The following LPIN2 variants were observed in gnomAD, a reference collection of about 807,000 sequenced individuals.
LPIN2 encodes phosphatidate phosphatase LPIN2.
In LPIN2, 55 loss-of-function variants were observed where a neutral mutation model predicts 111.4. The ratio of observed to expected loss-of-function variants is 0.49; its 90% CI spans 0.40 to 0.62. The LOEUF is 0.62. Ranked by LOEUF, LPIN2 falls within the 20% of genes least tolerant of loss-of-function variation. The pLI is 0.00. For missense variants in LPIN2, 992 were observed against 1,112.1 expected (o/e 0.89, Z 1.54); for synonymous variants, 425 against 414.0 (o/e 1.03, Z -0.32).
At chr18:2,974,734 G>C (rs959718091) in intron 1 of LPIN2, among the ~76,000 whole-genome samples, 8 of 152,186 alleles carry the variant, frequency 5.3e-5, no homozygotes, top group Non-Finnish European at 1.0e-4. Flanking sequence ...GCTCACACTT[G>C]TAATCCCAGC....
At position 2,917,506 on chromosome 18, in the gene LPIN2, G is replaced by C. The variant is rs886053742; in HGVS notation, c.*2787C>G. On this transcript the variant is annotated 3_prime_UTR_variant, in exon 20 of 20. Transcript: ENST00000677752. ...CCCACAGTTGCAGGGGCTGTTCCGG[G>C]CCAGCGCTTCCCAGTCATCCAATCT... The C allele has an allele frequency of 6.6e-6, 1 of 152,234 alleles. No individual in the cohort carries two copies. The allele number at this position is 152,234 out of a possible 1,614,324, so 9.4% of individuals were successfully genotyped here.
rs1385278173 is a variant in LPIN2 at position 2,960,884 on chromosome 18, C to T, written c.-9-35G>A. On this transcript the variant is annotated intron_variant, in intron 1 of 19. Coordinates refer to ENST00000677752, the MANE Select transcript of LPIN2 (RefSeq NM_001375808.2). ...ACAAAAATTAGATGAGATGTTAACACTAAATTTGTGATCTATTGACAAAGA... is the reference window on the plus strand; with the variant it reads ...ACAAAAATTAGATGAGATGTTAACATTAAATTTGTGATCTATTGACAAAGA... 7.1e-6 allele frequency: 11 copies of T among 1,541,178 alleles called. No individual in the cohort carries two copies. The South Asian group carries it at 1.0e-4, about 14-fold the overall frequency.
chr18:2,952,935 A>T (rs1338396615), intron 3 of LPIN2, among the ~76,000 whole-genome samples: 1 of 152,230 alleles, frequency 6.6e-6, no homozygotes, highest in Non-Finnish European at 1.5e-5. Context: ...ATTAAATGAG[A>T]AAAATCTGAG....
At chr18:2,943,278 T>C (rs899775994) in intron 4 of LPIN2, among the ~76,000 whole-genome samples, 1 of 152,120 alleles carries the variant, frequency 6.6e-6, no homozygotes, top group African/African-American at 2.4e-5. Context: ...GTAAAACATA[T>C]GCTACCTAAC....
intron 2 of LPIN2, among the ~76,000 whole-genome samples, chr18:2,957,970 C>T (rs1207452534): frequency 6.6e-6 from 1 of 150,696 alleles, no homozygotes; most frequent in African/African-American, 2.4e-5. Context: ...GGAGAAACCC[C>T]ATCTCTACTA....
intron 4 of LPIN2, among the ~76,000 whole-genome samples, chr18:2,947,350 ATC>A (rs1249620835): frequency 6.6e-6 from 1 of 152,134 alleles, no homozygotes; most frequent in Non-Finnish European, 1.5e-5. Flanking sequence ...AATGTTTTTA[ATC>A]TCTCTCTCAC....
chr18:2,938,150 T>C, intron 6 of LPIN2, 113 bp from the exon 7 acceptor site: 1 of 774,376 alleles, frequency 1.3e-6, no homozygotes, highest in Non-Finnish European at 2.2e-6. Flanking sequence ...ATTCATTAAG[T>C]ATCTTAGTTT....
chr18:2,924,690 C>T (rs2077104687), intron 14 of LPIN2, 144 bp from the exon 15 acceptor site: 9 of 825,328 alleles, frequency 1.1e-5, no homozygotes, highest in Non-Finnish European at 1.8e-5. Flanking sequence ...CACCCTGTGC[C>T]CAGCGCAGCT....
In LPIN2 at chr18:2,917,669, G is replaced by A. The variant is rs542464463; in HGVS notation, c.*2624C>T. 8 of 152,248 alleles carry A rather than the reference G, an allele frequency of 5.3e-5. No homozygotes were observed. Among genetic ancestry groups the A allele is most frequent in the East Asian group, 1.9e-4 (1 of 5,192 alleles). 9.4% of individuals were successfully genotyped at this position (152,248 alleles called of 1,614,324 possible). A position where few individuals can be genotyped will look rare whatever the true frequency, so the allele number is the denominator to read the frequency against. ...AAAACACAACACAGTACCCAAAAAC[G>A]GAGGCAGCCTGCATGCTCCAGGTCT... On this transcript the variant is annotated 3_prime_UTR_variant, in exon 20 of 20. Coordinates refer to ENST00000677752, the MANE Select transcript of LPIN2 (RefSeq NM_001375808.2).
intron 16 of LPIN2, among the ~76,000 whole-genome samples, 196 bp from the exon 17 acceptor site, chr18:2,922,395 C>T (rs1179584947): frequency 6.6e-6 from 1 of 152,012 alleles, no homozygotes; most frequent in Admixed American, 6.5e-5. Context: ...CTGCCTCAGC[C>T]TCCCAAGTAG....
At position 2,925,925 on chromosome 18, in the gene LPIN2, G is replaced by A. The variant is rs2077124159; in HGVS notation, c.1794-557C>T. ...GGAGGCTGAGGCAGGAGGACTGCTT[G>A]AGCCCAGGAGTTTGAGACCAGCCTG... On this transcript the variant is annotated intron_variant, in intron 13 of 19. Transcript: ENST00000677752. This position sits in a 1 kb window ranked among gnomAD's most constrained non-coding sequence, Gnocchi z 4.1. Among the ~76,000 whole-genome samples, 1 of 152,112 alleles carries A rather than the reference G, an allele frequency of 6.6e-6. No homozygotes were observed. Among genetic ancestry groups the A allele is most frequent in the Non-Finnish European group, 1.5e-5 (1 of 68,012 alleles).
intron 16 of LPIN2, among the ~76,000 whole-genome samples, chr18:2,923,084 G>GAACTATTTCCCTCATGCATGCGTGCAC (rs2077078924): frequency 1.3e-5 from 2 of 152,120 alleles, no homozygotes; most frequent in African/African-American, 4.8e-5. Flanking sequence ...GCCCATGCAA[G>GAACTATTTCCCTCATGCATGCGTGCAC]AACTATTTCC....
At chr18:2,983,593 T>C (rs1340763678) in intron 1 of LPIN2, among the ~76,000 whole-genome samples, 1 of 152,192 alleles carries the variant, frequency 6.6e-6, no homozygotes, top group Non-Finnish European at 1.5e-5. Context: ...CAAACAGCCA[T>C]TAGCCACGTG....
chr18:2,920,915 GGA>G (rs771617820), intron 18 of LPIN2, 34 bp from the exon 19 acceptor site: 10 of 1,435,576 alleles, frequency 7.0e-6, no homozygotes, highest in Non-Finnish European at 9.8e-6. Context: ...GTGATTCCAG[GGA>G]GGAGAATTCA....
At chr18:2,979,854 A>G (rs1262728387) in intron 1 of LPIN2, among the ~76,000 whole-genome samples, 1 of 152,130 alleles carries the variant, frequency 6.6e-6, no homozygotes, top group African/African-American at 2.4e-5. Context: ...CCCTCAATAT[A>G]TCCTCTTAGC....
In LPIN2 at chr18:2,937,989, T is replaced by TA; in HGVS notation, c.870dup (p.Thr291TyrfsTer14). On this transcript the variant is annotated frameshift_variant, in exon 7 of 20. Coordinates refer to ENST00000677752, the MANE Select transcript of LPIN2 (RefSeq NM_001375808.2). LOFTEE classifies it high-confidence loss of function. The stretch of plus-strand genomic sequence containing the variant: ...CGAAAATGAGTATTTTCTGATGGTG[T>TA]AATTGTAGCTGTCCTAGGATGATGG... 6.2e-7 allele frequency: 1 copy of TA among 1,614,216 alleles called. No individual in the cohort carries two copies. Among genetic ancestry groups the TA allele is most frequent in the Non-Finnish European group, 8.5e-7 (1 of 1,180,036 alleles).
At chr18:2,996,062 C>T (rs1383711694) in intron 1 of LPIN2, among the ~76,000 whole-genome samples, 1 of 152,084 alleles carries the variant, frequency 6.6e-6, no homozygotes, top group East Asian at 1.9e-4. Context: ...ATGTTACGGC[C>T]GGGCGCTGTG....
At chr18:2,940,515 G>A in intron 5 of LPIN2, 90 bp downstream of exon 5, 1 of 759,252 alleles carries the variant, frequency 1.3e-6, no homozygotes, top group Admixed American at 2.1e-5. Flanking sequence ...TGAGAGAAAT[G>A]GGAAATATCA....
intron 2 of LPIN2, among the ~76,000 whole-genome samples, chr18:2,958,162 A>AAAAAAAAAAAAAAAAAAAAAAAC: frequency 6.5e-5 from 1 of 15,328 alleles, no homozygotes; most frequent in African/African-American, 2.3e-4. Flanking sequence ...AAAAAACAAC[A>AAAAAAAAAAAAAAAAAAAAAAAC]AAAAAAAAAA....
Sources: gnomAD v4.1 joint callset for allele counts (sites outside exome capture counted in the v4.1 genomes callset) on GRCh38, gnomAD v4.1.1 for gene constraint, Gnocchi (gnomAD v3.1) non-coding constraint, MANE v1.5 for transcripts, NCBI Gene and HGNC (gene_info 2026-07-23, HGNC 2026-07-21) for gene names.